Variants in SMR3A observed in about 807,000 individuals in gnomAD.
The protein encoded by SMR3A is submaxillary gland androgen regulated protein 3A.
For synonymous variants in SMR3A, 48 were observed against 57.4 expected (o/e 0.84, Z 0.74); for missense variants, 188 against 163.0 (o/e 1.15, Z -0.84).
intron 1 of SMR3A, among the ~76,000 whole-genome samples, chr4:70,361,522 C>A (rs1188348175): frequency 6.6e-6 from 1 of 151,844 alleles, no homozygotes; most frequent in South Asian, 2.1e-4. Flanking sequence ...TTTGAGACCA[C>A]ACATCACAGA....
chr4:70,364,553 A>T (rs1180868641), intron 2 of SMR3A, among the ~76,000 whole-genome samples: 1 of 151,982 alleles, frequency 6.6e-6, no homozygotes, highest in Non-Finnish European at 1.5e-5. Flanking sequence ...CCCTCAGAAA[A>T]CAATTATAAA....
chr4:70,363,210 T>C (rs1732185200), intron 2 of SMR3A, among the ~76,000 whole-genome samples: 1 of 151,938 alleles, frequency 6.6e-6, no homozygotes, highest in African/African-American at 2.4e-5. Flanking sequence ...ATAGTAACTT[T>C]TTACAAGATA....
intron 2 of SMR3A, among the ~76,000 whole-genome samples, chr4:70,363,704 A>G (rs1034870311): frequency 6.6e-6 from 1 of 152,178 alleles, no homozygotes; most frequent in Admixed American, 6.6e-5. Context: ...AGAACAGGAA[A>G]AGAATAGATA....
In SMR3A at chr4:70,367,037, C is replaced by T. The variant is rs1440208424; in HGVS notation, c.*43C>T. On this transcript the variant is annotated 3_prime_UTR_variant, in exon 3 of 3. Transcript: ENST00000226460. ...AGGTGCCACCACCCACAAAAGACAA[C>T]ACTACCCTCGTAACTACTGCTTCTA... 2.6e-6 allele frequency: 4 copies of T among 1,530,758 alleles called. No individual in the cohort carries two copies. Among genetic ancestry groups the T allele is most frequent in the Non-Finnish European group, 1.8e-6 (2 of 1,108,934 alleles). The allele number at this position is 1,530,758 out of a possible 1,614,324, so 94.8% of individuals were successfully genotyped here. A position where few individuals can be genotyped will look rare whatever the true frequency, so the allele number is the denominator to read the frequency against.
At chr4:70,364,313 G>C (rs188529533) in intron 2 of SMR3A, among the ~76,000 whole-genome samples, 1 of 151,822 alleles carries the variant, frequency 6.6e-6, no homozygotes, top group African/African-American at 2.4e-5. Flanking sequence ...TCAAATCAAC[G>C]GGCCCTACAG....
chr4:70,364,607 G>C (rs890338335), intron 2 of SMR3A, among the ~76,000 whole-genome samples: 15 of 151,874 alleles, frequency 9.9e-5, no homozygotes, highest in Non-Finnish European at 1.5e-4. Flanking sequence ...TGGTTGTGTG[G>C]CCAGTAAATC....
intron 1 of SMR3A, among the ~76,000 whole-genome samples, chr4:70,361,280 T>C (rs1383169474): frequency 6.6e-6 from 1 of 151,912 alleles, no homozygotes; most frequent in Non-Finnish European, 1.5e-5. Context: ...ATTTTGTCCA[T>C]ATGATTCTTT....
At position 70,361,644 on chromosome 4, in the gene SMR3A, A is replaced by C. The variant is rs143961958; in HGVS notation, c.-14-458A>C. On this transcript the variant is annotated intron_variant, in intron 1 of 2. Coordinates refer to ENST00000226460, the MANE Select transcript of SMR3A (RefSeq NM_012390.4). The stretch of plus-strand genomic sequence containing the variant: ...TCTTTCTTTTCCTTATTTTTGAGAT[A>C]TCCCAAGGAATTACACTAACATATG... Among the ~76,000 whole-genome samples, 6 of 151,986 alleles carry C rather than the reference A, an allele frequency of 3.9e-5. No individual in the cohort carries two copies. In the East Asian group the frequency reaches 1.2e-3, roughly 29 times the overall value.
chr4:70,362,392 A>C (rs1183943720), intron 2 of SMR3A, among the ~76,000 whole-genome samples: 1 of 151,890 alleles, frequency 6.6e-6, no homozygotes, highest in Non-Finnish European at 1.5e-5. Flanking sequence ...AGTCTGTAAT[A>C]TCAGACTGCA....
At chr4:70,363,419 T>C (rs147206583) in intron 2 of SMR3A, among the ~76,000 whole-genome samples, 3 of 151,980 alleles carry the variant, frequency 2.0e-5, no homozygotes, top group Admixed American at 6.6e-5. Context: ...TTCTCTGTTA[T>C]AGGTAATTTT....
At chr4:70,366,067 C>T (rs1044451952) in intron 2 of SMR3A, among the ~76,000 whole-genome samples, 2 of 152,016 alleles carry the variant, frequency 1.3e-5, no homozygotes, top group African/African-American at 2.4e-5. Flanking sequence ...AACTTAGATA[C>T]ATTTAACAAT....
chr4:70,364,133 C>T (rs1424604591), intron 2 of SMR3A, among the ~76,000 whole-genome samples: 1 of 152,020 alleles, frequency 6.6e-6, no homozygotes, highest in Non-Finnish European at 1.5e-5. Context: ...TTTCATAGAG[C>T]TTTGCTTTGC....
At position 70,361,869 on chromosome 4, in the gene SMR3A, T is replaced by G. The variant is rs540699145; in HGVS notation, c.-14-233T>G. ...AACAACTCTTTGGCATTATCTCCAG[T>G]ATCAGTTTACAAGTCAAAAATAAAA... On this transcript the variant is annotated intron_variant, in intron 1 of 2. Coordinates refer to ENST00000226460, the MANE Select transcript of SMR3A (RefSeq NM_012390.4). Among the ~76,000 whole-genome samples, 95 of 151,976 alleles carry G rather than the reference T, an allele frequency of 6.3e-4. 1 individual carries two copies. In the East Asian group the frequency reaches 0.017, roughly 26 times the overall value.
intron 2 of SMR3A, among the ~76,000 whole-genome samples, chr4:70,363,422 G>T (rs1257452061): frequency 6.6e-6 from 1 of 151,836 alleles, no homozygotes; most frequent in Non-Finnish European, 1.5e-5. Flanking sequence ...TCTGTTATAG[G>T]TAATTTTCCA....
In SMR3A at chr4:70,366,849, G is replaced by C. The variant is rs1404759283; in HGVS notation, c.260G>C (p.Gly87Ala). 2.5e-6 allele frequency: 4 copies of C among 1,613,394 alleles called. No homozygotes were observed. Among genetic ancestry groups the C allele is most frequent in the Admixed American group, 1.7e-5 (1 of 59,920 alleles). Residue 87 changes from glycine (G) to alanine (A), a missense_variant, in exon 3 of 3, where the codon GGG becomes GCG. By Grantham distance (60) the Gly-to-Ala change is moderately conservative (BLOSUM62 0). Transcript: ENST00000226460. ...TCCCCTCCTCCACCCTATGGTCCAG[G>C]GAGAATTCAATCACACTCTCTTCCT... The part of the protein sequence containing the change: ...PPSPPPPYGP[G>A]RIQSHSLPPP...
intron 2 of SMR3A, among the ~76,000 whole-genome samples, chr4:70,365,228 C>G (rs1039242138): frequency 1.3e-5 from 2 of 151,924 alleles, no homozygotes; most frequent in African/African-American, 4.8e-5. Flanking sequence ...TTGTTCCTTG[C>G]ACTACTTTTC....
chr4:70,365,681 G>A lies in SMR3A; in HGVS notation c.55-963G>A, dbSNP rs561613735. On this transcript the variant is annotated intron_variant, in intron 2 of 2. Transcript: ENST00000226460. ...CCCCTGTATTGTAATTACTCAGCCT[G>A]TGGATTCATAGAAGACATGTTTGTA... 2.0e-4 allele frequency among the ~76,000 whole-genome samples: 30 copies of A among 152,128 alleles called. 1 individual carries two copies. The South Asian group carries it at 5.8e-3, about 29-fold the overall frequency.
chr4:70,363,089 A>T (rs1406466599), intron 2 of SMR3A, among the ~76,000 whole-genome samples: 1 of 151,986 alleles, frequency 6.6e-6, no homozygotes, highest in Admixed American at 6.6e-5. Context: ...AAACATATTG[A>T]CATCCGTTAA....
chr4:70,366,714 G>A lies in SMR3A; in HGVS notation c.125G>A (p.Cys42Tyr), dbSNP rs565652404. 32 of 1,613,202 alleles carry A rather than the reference G, an allele frequency of 2.0e-5. No individual in the cohort carries two copies. The highest frequency in any genetic ancestry group is 1.7e-4 in the Middle Eastern group (1 of 6,056). Residue 42 changes from cysteine (C) to tyrosine (Y), a missense_variant, in exon 3 of 3, where the codon TGT (cysteine) becomes TAT (tyrosine). Physicochemically the swap from Cys to Tyr is radical, Grantham distance 194. Coordinates refer to ENST00000226460, the MANE Select transcript of SMR3A (RefSeq NM_012390.4). ...CCACTGGCTCCTCCTCCTCCACCAT[G>A]TTTTCCTTTTGGAACAGGATTTGTT... ...PGPLAPPPPPCFPFGTGFVPP... is the reference protein window; with the variant it reads ...PGPLAPPPPPYFPFGTGFVPP...
Sources: gnomAD v4.1 joint callset for allele counts (sites outside exome capture counted in the v4.1 genomes callset) on GRCh38, gnomAD v4.1.1 for gene constraint, MANE v1.5 for transcripts, NCBI Gene and HGNC (gene_info 2026-07-23, HGNC 2026-07-21) for gene names.